The following C10orf67 variants were observed in gnomAD, a reference collection of about 807,000 sequenced individuals.
C10orf67 encodes uncharacterized protein C10orf67, mitochondrial.
In C10orf67, 60 loss-of-function variants were observed where a neutral mutation model predicts 35.6. The observed-to-expected ratio is 1.68, with a 90% CI of 1.37 to 2.09. The LOEUF (loss-of-function observed/expected upper bound fraction) is 2.09. Ranked by LOEUF, C10orf67 falls within the 30% of genes most tolerant of loss-of-function variation. The pLI is 0.00. For synonymous variants in C10orf67, 167 were observed against 115.8 expected (o/e 1.44, Z -2.84); for missense variants, 474 against 330.2 (o/e 1.44, Z -3.38).
chr10:23,304,139 A>G (rs1259021097), intron 4 of C10orf67, among the ~76,000 whole-genome samples: 1 of 152,194 alleles, frequency 6.6e-6, no homozygotes, highest in African/African-American at 2.4e-5. Context: ...CTGCAGTTTG[A>G]GACCAGTCCT....
intron 12 of C10orf67, among the ~76,000 whole-genome samples, chr10:23,245,069 C>G (rs1445059699): frequency 1.3e-5 from 2 of 152,166 alleles, no homozygotes; most frequent in Middle Eastern, 3.4e-3. Flanking sequence ...ATATGGTCAA[C>G]TAATTTTTGA....
At chr10:23,228,759 CA>C (rs1841818991) in intron 13 of C10orf67, among the ~76,000 whole-genome samples, 1 of 152,080 alleles carries the variant, frequency 6.6e-6, no homozygotes. Flanking sequence ...ACAACCCCAT[CA>C]AAAAGTGGGT....
intron 15 of C10orf67, among the ~76,000 whole-genome samples, chr10:23,207,974 C>G (rs1841202453): frequency 6.6e-6 from 1 of 152,228 alleles, no homozygotes; most frequent in Non-Finnish European, 1.5e-5. Context: ...AGGCCCAACT[C>G]TATTCCCCAC....
At chr10:23,311,970 C>T in intron 4 of C10orf67, among the ~76,000 whole-genome samples, 1 of 152,094 alleles carries the variant, frequency 6.6e-6, no homozygotes, top group East Asian at 1.9e-4. Context: ...TTGCTTACTT[C>T]AAAGGCGATA....
At chr10:23,213,975 A>T (rs952955271) in intron 15 of C10orf67, among the ~76,000 whole-genome samples, 1 of 152,048 alleles carries the variant, frequency 6.6e-6, no homozygotes, top group East Asian at 1.9e-4. Context: ...AATATAAAAG[A>T]TCATAAAAAT....
chr10:23,288,862 C>T (rs1210952136), intron 7 of C10orf67, among the ~76,000 whole-genome samples: 1 of 152,166 alleles, frequency 6.6e-6, no homozygotes, highest in Non-Finnish European at 1.5e-5. Flanking sequence ...TATCTGTAAA[C>T]TGTATGAACT....
Position 23,282,013 on chromosome 10 carries a change from C to T in C10orf67, c.975G>A (p.Val325=). 1.6e-6 allele frequency: 1 copy of T among 610,734 alleles called. No individual in the cohort carries two copies. The highest frequency in any genetic ancestry group is 3.2e-5 in the East Asian group (1 of 31,712). The allele number at this position is 610,734 out of a possible 1,614,324, so 37.8% of individuals were successfully genotyped here. A position where few individuals can be genotyped will look rare whatever the true frequency, so the allele number is the denominator to read the frequency against. ...LHYEKSLVQD[V]INKQKEDKEM... ...TAGGAAATAATGTAAATCATCTTAC[C>T]ACATCCTGAACTAATGATTTTTCAT... The change falls in exon 8 of 16, where the codon GTG becomes GTA. Residue 325 remains valine, a splice_region_variant and synonymous_variant. Transcript: ENST00000636213.
chr10:23,234,541 A>G (rs1841992959), intron 13 of C10orf67, among the ~76,000 whole-genome samples: 1 of 152,134 alleles, frequency 6.6e-6, no homozygotes, highest in African/African-American at 2.4e-5. Context: ...GGAGGATGGG[A>G]GGAGGAAGAA....
intron 15 of C10orf67, among the ~76,000 whole-genome samples, chr10:23,214,347 G>A (rs1417738245): frequency 6.6e-6 from 1 of 152,052 alleles, no homozygotes; most frequent in Non-Finnish European, 1.5e-5. Flanking sequence ...AGGAAATTAG[G>A]AGTCATTAAT....
intron 4 of C10orf67, among the ~76,000 whole-genome samples, chr10:23,319,432 T>C (rs1844860990): frequency 1.3e-5 from 2 of 152,188 alleles, no homozygotes; most frequent in South Asian, 4.1e-4. Context: ...GTTAATTTCA[T>C]GTCTTTGCTA....
At chr10:23,229,215 A>G (rs1371055346) in intron 13 of C10orf67, among the ~76,000 whole-genome samples, 1 of 152,148 alleles carries the variant, frequency 6.6e-6, no homozygotes, top group Non-Finnish European at 1.5e-5. Flanking sequence ...CTGGATTAAG[A>G]AAATGTGGGA....
chr10:23,258,359 C>A, intron 10 of C10orf67: 1 of 166,364 alleles, frequency 6.0e-6, no homozygotes. Context: ...ATTGCAGTCA[C>A]CACTGTGCTG....
chr10:23,215,225 A>G (rs1841398645), intron 15 of C10orf67, among the ~76,000 whole-genome samples: 2 of 152,182 alleles, frequency 1.3e-5, no homozygotes, highest in Admixed American at 6.5e-5. Flanking sequence ...TGTATTCGAA[A>G]ATCTCTCTCA....
At chr10:23,291,785 C>T (rs979737582) in intron 5 of C10orf67, among the ~76,000 whole-genome samples, 10 of 152,162 alleles carry the variant, frequency 6.6e-5, no homozygotes, top group South Asian at 4.2e-4. Flanking sequence ...AAAGTGGTGA[C>T]GTTTTCAGGC....
intron 4 of C10orf67, among the ~76,000 whole-genome samples, chr10:23,305,118 G>A (rs888504454): frequency 5.9e-5 from 9 of 152,110 alleles, no homozygotes; most frequent in Admixed American, 1.3e-4. Flanking sequence ...GCACAAACAC[G>A]AACATAAGGC....
At chr10:23,287,378 G>T (rs561980671) in intron 7 of C10orf67, among the ~76,000 whole-genome samples, 1 of 152,144 alleles carries the variant, frequency 6.6e-6, no homozygotes, top group African/African-American at 2.4e-5. Flanking sequence ...AATGGGGAAA[G>T]GATCTCCTAT....
At chr10:23,342,513 TG>T (rs1845936949) in intron 1 of C10orf67, among the ~76,000 whole-genome samples, 1 of 152,118 alleles carries the variant, frequency 6.6e-6, no homozygotes, top group African/African-American at 2.4e-5. Context: ...GTGGTTCTTT[TG>T]TTCAGCCAAA....
Position 23,236,301 on chromosome 10 carries a change from CG to C in C10orf67, c.1434+3427del, listed in dbSNP as rs1280009123. ...AAAAAAAATTAGCCAGGTGTGGTGG[CG>C]GGTGCCTGTAATCCCAGCTACTCAG... On this transcript the variant is annotated intron_variant, in intron 13 of 15. Transcript: ENST00000636213. Among the ~76,000 whole-genome samples, 406 of 136,724 alleles carry C rather than the reference CG, an allele frequency of 3.0e-3. 3 individuals are homozygous for C. Among genetic ancestry groups the C allele is most frequent in the African/African-American group, 0.011 (385 of 35,140 alleles). 89.7% of individuals were successfully genotyped at this position (136,724 alleles called of 152,430 possible). A position where few individuals can be genotyped will look rare whatever the true frequency, so the allele number is the denominator to read the frequency against.
At chr10:23,294,077 T>C (rs11013369) in intron 5 of C10orf67, among the ~76,000 whole-genome samples, 17,736 of 152,212 alleles carry the variant, frequency 0.12, 2,271 homozygotes, top group East Asian at 0.63. Context: ...CTCAATTTTC[T>C]GGGGAGGAGC....
Sources: allele counts gnomAD v4.1 joint callset (sites outside exome capture counted in the v4.1 genomes callset), GRCh38; gene constraint gnomAD v4.1.1; transcripts MANE v1.5; gene names NCBI Gene and HGNC (gene_info 2026-07-23, HGNC 2026-07-21).